Variants in TMEM108 observed in about 807,000 individuals in gnomAD.
TMEM108 encodes transmembrane protein 108.
In TMEM108, 12 loss-of-function variants were observed where a neutral mutation model predicts 35.1. The ratio of observed to expected loss-of-function variants is 0.34; its 90% CI spans 0.22 to 0.55. TMEM108 has a LOEUF of 0.55. TMEM108 is among the 20% of genes least tolerant of loss of function. The probability of loss-of-function intolerance (pLI) is 0.89; values close to 1 mark genes in which losing one functional copy is unlikely to be tolerated. For synonymous variants in TMEM108, 287 were observed against 308.6 expected, an observed-to-expected ratio of 0.93 and a Z score of 0.73; for missense variants, 680 against 753.3, an observed-to-expected ratio of 0.90 and a Z score of 1.14.
intron 3 of TMEM108, among the ~76,000 whole-genome samples, chr3:133,349,172 AT>A (rs1435557507): frequency 6.6e-6 from 1 of 152,024 alleles, no homozygotes; most frequent in Admixed American, 6.6e-5. Context: ...ATATAATACT[AT>A]TTTTCCCCTT....
intron 3 of TMEM108, among the ~76,000 whole-genome samples, chr3:133,369,033 T>A (rs1276248126): frequency 6.6e-6 from 1 of 152,242 alleles, no homozygotes; most frequent in Non-Finnish European, 1.5e-5. Context: ...TTCCTTCTCA[T>A]ACAGCTGAGA....
At chr3:133,214,065 C>A (rs989619435) in intron 2 of TMEM108, among the ~76,000 whole-genome samples, 1 of 152,144 alleles carries the variant, frequency 6.6e-6, no homozygotes, top group African/African-American at 2.4e-5. Context: ...TGAGCTCTGG[C>A]CCAGTTTGTC....
At chr3:133,372,464 C>T (rs182165961) in intron 3 of TMEM108, among the ~76,000 whole-genome samples, 5 of 152,268 alleles carry the variant, frequency 3.3e-5, no homozygotes, top group Admixed American at 2.0e-4. Context: ...TGTGTGTTCA[C>T]GTGTGTTTGT....
intron 3 of TMEM108, among the ~76,000 whole-genome samples, chr3:133,276,852 C>T (rs1946845064): frequency 6.6e-6 from 1 of 152,154 alleles, no homozygotes; most frequent in South Asian, 2.1e-4. Context: ...AGCGTCATTC[C>T]CAGCATTCCT....
intron 3 of TMEM108, among the ~76,000 whole-genome samples, chr3:133,259,744 C>A (rs1420004833): frequency 6.6e-6 from 1 of 152,142 alleles, no homozygotes; most frequent in Non-Finnish European, 1.5e-5. Context: ...TATCTTACCA[C>A]AGAGGCAAGG....
chr3:133,067,925 A>G (rs930680706), intron 2 of TMEM108, among the ~76,000 whole-genome samples: 1 of 151,962 alleles, frequency 6.6e-6, no homozygotes, highest in East Asian at 1.9e-4. Context: ...AAGAAACTGG[A>G]AAGTCCAAGA....
chr3:133,285,083 T>A lies in TMEM108; in HGVS notation c.40+55732T>A, dbSNP rs938060253. ...CATCATAAATTTGTTTTAAAATCCT[T>A]GCTGAATTGTTTTGTAAAATATATT... On this transcript the variant is annotated intron_variant, in intron 3 of 5. Transcript: ENST00000321871. Among the ~76,000 whole-genome samples the A allele has an allele frequency of 3.9e-5, 6 of 152,208 alleles. 1 individual carries two copies. The highest frequency in any genetic ancestry group is 7.3e-5 in the Non-Finnish European group (5 of 68,040).
chr3:133,144,797 A>G (rs1187969555), intron 2 of TMEM108, among the ~76,000 whole-genome samples: 1 of 152,046 alleles, frequency 6.6e-6, no homozygotes, highest in Non-Finnish European at 1.5e-5. Context: ...TCCTTCGCCC[A>G]CTTTTTGATG....
chr3:133,318,585 A>C (rs2071226279), intron 3 of TMEM108, among the ~76,000 whole-genome samples: 1 of 152,108 alleles, frequency 6.6e-6, no homozygotes, highest in Non-Finnish European at 1.5e-5. Context: ...CTCATTTTTT[A>C]CTCTAAAAAT....
chr3:133,083,341 A>G (rs1483185110), intron 2 of TMEM108, among the ~76,000 whole-genome samples: 1 of 152,048 alleles, frequency 6.6e-6, no homozygotes, highest in African/African-American at 2.4e-5. Flanking sequence ...TGCTCAGTCA[A>G]TCTGTTGAAT....
intron 4 of TMEM108, chr3:133,389,374 A>G (rs2073199108): frequency 1.0e-6 from 1 of 985,510 alleles, no homozygotes; most frequent in Non-Finnish European, 1.2e-6. Flanking sequence ...CTAAGGCAGG[A>G]ATCAGCTGGT....
At chr3:133,355,533 G>GT in intron 3 of TMEM108, among the ~76,000 whole-genome samples, 1 of 152,328 alleles carries the variant, frequency 6.6e-6, no homozygotes, top group Middle Eastern at 3.4e-3. Flanking sequence ...GAAACAAAAA[G>GT]TTGTTGTGTG....
intron 3 of TMEM108, among the ~76,000 whole-genome samples, chr3:133,274,976 GTTGA>G (rs1946819321): frequency 6.6e-6 from 1 of 152,212 alleles, no homozygotes; most frequent in Non-Finnish European, 1.5e-5. Context: ...TTGGTTCCAA[GTTGA>G]TTGATTGATT....
At chr3:133,056,968 T>C (rs1559818162) in intron 2 of TMEM108, among the ~76,000 whole-genome samples, 1 of 152,248 alleles carries the variant, frequency 6.6e-6, no homozygotes. Flanking sequence ...GAGTATCATT[T>C]AATAAAGTGC....
At chr3:133,132,479 G>C (rs1288347790) in intron 2 of TMEM108, among the ~76,000 whole-genome samples, 1 of 152,152 alleles carries the variant, frequency 6.6e-6, no homozygotes, top group Non-Finnish European at 1.5e-5. Context: ...TCTGTTTATA[G>C]CATGGTTTAC....
At chr3:133,383,299 C>G (rs1307715917) in intron 4 of TMEM108, among the ~76,000 whole-genome samples, 1 of 152,218 alleles carries the variant, frequency 6.6e-6, no homozygotes, top group East Asian at 1.9e-4. Context: ...ACAGGTGCCA[C>G]AGTGACTCCA....
chr3:133,235,204 TCCCCATCAA>T (rs1946216573), intron 3 of TMEM108, among the ~76,000 whole-genome samples: 1 of 152,044 alleles, frequency 6.6e-6, no homozygotes, highest in Non-Finnish European at 1.5e-5. Flanking sequence ...TTCAATGCCA[TCCCCATCAA>T]GCTACCAATG....
Position 133,396,950 on chromosome 3 carries a change from A to G in TMEM108, c.*964A>G, listed in dbSNP as rs2073313622. 1.3e-5 allele frequency: 2 copies of G among 152,176 alleles called. No individual in the cohort carries two copies. Among genetic ancestry groups the G allele is most frequent in the Admixed American group, 6.5e-5 (1 of 15,288 alleles). The allele number at this position is 152,176 out of a possible 1,614,324, so 9.4% of individuals were successfully genotyped here. ...ATAATTTTTGAAACCTTCCTCCTGC[A>G]ATCTTTAAAAAAGAAAAAAAAGATT... On this transcript the variant is annotated 3_prime_UTR_variant, in exon 6 of 6. Transcript: ENST00000321871.
intron 3 of TMEM108, among the ~76,000 whole-genome samples, chr3:133,354,940 C>T (rs1265664319): frequency 6.6e-6 from 1 of 151,210 alleles, no homozygotes; most frequent in African/African-American, 2.4e-5. Context: ...AAATGATCGT[C>T]ACTTCATACT....
Sources: gnomAD v4.1 joint callset for allele counts (sites outside exome capture counted in the v4.1 genomes callset) on GRCh38, gnomAD v4.1.1 for gene constraint, MANE v1.5 for transcripts, NCBI Gene and HGNC (gene_info 2026-07-23, HGNC 2026-07-21) for gene names.